The following LDB2 variants were observed in gnomAD, a reference collection of about 807,000 sequenced individuals.
LDB2 encodes LIM domain-binding protein 2.
In LDB2, 12 loss-of-function variants were observed where a neutral mutation model predicts 44.3. That is an observed-to-expected ratio of 0.27 (90% CI 0.17 to 0.44). The LOEUF is 0.44. Ranked by LOEUF, LDB2 falls within the 20% of genes least tolerant of loss-of-function variation. LDB2 has a pLI of 1.00. For missense variants in LDB2, 344 were observed against 473.5 expected, an observed-to-expected ratio of 0.73 and a Z score of 2.54; for synonymous variants, 164 against 174.8, an observed-to-expected ratio of 0.94 and a Z score of 0.49.
chr4:16,748,517 T>C (rs926535530), intron 2 of LDB2, among the ~76,000 whole-genome samples: 1 of 152,190 alleles, frequency 6.6e-6, no homozygotes. Flanking sequence ...CATCTGAACA[T>C]TGCTTAATAC....
chr4:16,712,662 G>T (rs1319809363), intron 2 of LDB2, among the ~76,000 whole-genome samples: 1 of 152,132 alleles, frequency 6.6e-6, no homozygotes, highest in African/African-American at 2.4e-5. Context: ...ACTTCAATGA[G>T]ATACTACTTC....
intron 1 of LDB2, among the ~76,000 whole-genome samples, chr4:16,830,293 A>C (rs539203723): frequency 1.2e-4 from 18 of 152,090 alleles, no homozygotes; most frequent in Non-Finnish European, 2.2e-4. Context: ...ACAGTGAGTG[A>C]GTTCTCAGGA....
intron 1 of LDB2, among the ~76,000 whole-genome samples, chr4:16,850,650 T>A (rs958459210): frequency 1.3e-5 from 2 of 152,102 alleles, no homozygotes; most frequent in African/African-American, 4.8e-5. Flanking sequence ...ACCCCTAGAA[T>A]GATAATCCCT....
At chr4:16,792,223 T>G (rs141851720) in intron 1 of LDB2, among the ~76,000 whole-genome samples, 1 of 152,326 alleles carries the variant, frequency 6.6e-6, no homozygotes, top group Non-Finnish European at 1.5e-5. Context: ...GAGCTCTCTA[T>G]CCTTAGATTC....
intron 5 of LDB2, among the ~76,000 whole-genome samples, chr4:16,547,646 A>G (rs2152340442): frequency 6.6e-6 from 1 of 152,300 alleles, no homozygotes; most frequent in South Asian, 2.1e-4. Context: ...CCACTACTCA[A>G]GAACTACTTA....
chr4:16,833,731 T>C (rs1022001991), intron 1 of LDB2, among the ~76,000 whole-genome samples: 2 of 152,100 alleles, frequency 1.3e-5, no homozygotes, highest in Non-Finnish European at 2.9e-5. Context: ...TTAGTAGAGA[T>C]GGGGTTTCAG....
chr4:16,762,656 A>G (rs1474197610), intron 1 of LDB2, among the ~76,000 whole-genome samples: 1 of 152,180 alleles, frequency 6.6e-6, no homozygotes, highest in African/African-American at 2.4e-5. Context: ...TGTCCCTCCC[A>G]TGACACATGG....
At chr4:16,507,869 T>C (rs1347618441) in intron 7 of LDB2, among the ~76,000 whole-genome samples, 1 of 152,204 alleles carries the variant, frequency 6.6e-6, no homozygotes, top group African/African-American at 2.4e-5. Context: ...CAGTTTTCAC[T>C]ATATGGGATT....
chr4:16,732,853 A>G (rs1002510690), intron 2 of LDB2, among the ~76,000 whole-genome samples: 3 of 152,002 alleles, frequency 2.0e-5, no homozygotes, highest in Non-Finnish European at 2.9e-5. Flanking sequence ...AAAAATGAAC[A>G]CTCTACACTT....
chr4:16,790,546 T>C (rs533311447), intron 1 of LDB2, among the ~76,000 whole-genome samples: 2 of 152,304 alleles, frequency 1.3e-5, no homozygotes, highest in Non-Finnish European at 2.9e-5. Context: ...ACCACCTAGG[T>C]TTGTGTACGT....
intron 1 of LDB2, among the ~76,000 whole-genome samples, chr4:16,805,947 C>G (rs755757880): frequency 6.6e-6 from 1 of 152,174 alleles, no homozygotes; most frequent in Non-Finnish European, 1.5e-5. Flanking sequence ...CCTGAAGTGT[C>G]ACAGCCTCCA....
chr4:16,783,847 T>C (rs1386167426), intron 1 of LDB2, among the ~76,000 whole-genome samples: 2 of 152,234 alleles, frequency 1.3e-5, no homozygotes, highest in African/African-American at 2.4e-5. Flanking sequence ...TCCCCCCTTT[T>C]GCCTTTTTAA....
At chr4:16,883,534 G>C (rs773448990) in intron 1 of LDB2, among the ~76,000 whole-genome samples, 1 of 152,174 alleles carries the variant, frequency 6.6e-6, no homozygotes, top group African/African-American at 2.4e-5. Context: ...TTAGGGCTTG[G>C]GACGTTCCTC....
intron 2 of LDB2, among the ~76,000 whole-genome samples, chr4:16,713,085 A>T (rs2152665601): frequency 6.6e-6 from 1 of 152,358 alleles, no homozygotes; most frequent in African/African-American, 2.4e-5. Flanking sequence ...TTAGTCAAGT[A>T]AAAGAAGCCA....
chr4:16,668,109 T>A (rs1402265143), intron 2 of LDB2, among the ~76,000 whole-genome samples: 1 of 152,156 alleles, frequency 6.6e-6, no homozygotes, highest in Non-Finnish European at 1.5e-5. Flanking sequence ...GCATTTCATA[T>A]GATAAAAGGA....
intron 7 of LDB2, 73 bp downstream of exon 7, chr4:16,508,462 G>T (rs1273447185): frequency 3.2e-5 from 38 of 1,199,616 alleles, no homozygotes; most frequent in Non-Finnish European, 3.9e-5. Context: ...AATGAAAAGA[G>T]ACTTTAATTT....
intron 5 of LDB2, among the ~76,000 whole-genome samples, chr4:16,578,402 T>G (rs1467889032): frequency 6.6e-6 from 1 of 152,112 alleles, no homozygotes; most frequent in South Asian, 2.1e-4. Context: ...AAGATCTTAA[T>G]AGACATTTCA....
chr4:16,810,771 C>T (rs563897273), intron 1 of LDB2, among the ~76,000 whole-genome samples: 13 of 150,956 alleles, frequency 8.6e-5, no homozygotes, highest in African/African-American at 2.7e-4. Flanking sequence ...CTATGAACAC[C>T]CCAAACAGGA....
intron 1 of LDB2, among the ~76,000 whole-genome samples, chr4:16,827,873 G>T (rs890243239): frequency 6.6e-6 from 1 of 152,144 alleles, no homozygotes; most frequent in Non-Finnish European, 1.5e-5. Flanking sequence ...CAGACCTCCC[G>T]ACCCTTTCAG....
Sources: gnomAD v4.1 joint callset for allele counts (sites outside exome capture counted in the v4.1 genomes callset) on GRCh38, gnomAD v4.1.1 for gene constraint, MANE v1.5 for transcripts, NCBI Gene and HGNC (gene_info 2026-07-23, HGNC 2026-07-21) for gene names.